Variants in RTTN observed in about 807,000 individuals in gnomAD.
RTTN encodes the protein rotatin.
Under a neutral mutation model 269.2 loss-of-function variants are expected in RTTN, and 182 were observed. The ratio of observed to expected loss-of-function variants is 0.68; its 90% CI spans 0.60 to 0.76. The LOEUF (loss-of-function observed/expected upper bound fraction) is 0.76. RTTN is among the 30% of genes least tolerant of loss of function. The pLI, the probability that RTTN is intolerant of heterozygous loss-of-function variation, is 0.00. For missense variants in RTTN, 2,545 were observed against 2,608.6 expected (o/e 0.98, Z 0.53); for synonymous variants, 1,006 against 963.5 (o/e 1.04, Z -0.82).
At chr18:70,086,498 C>T in intron 32 of RTTN, 115 bp downstream of exon 32, 4 of 852,452 alleles carry the variant, frequency 4.7e-6, no homozygotes, top group South Asian at 1.6e-5. Context: ...TTTAAGAGGC[C>T]CTTGCTGTCT....
intron 14 of RTTN, among the ~76,000 whole-genome samples, chr18:70,165,646 TAAG>T (rs965142895): frequency 6.6e-6 from 1 of 151,852 alleles, no homozygotes; most frequent in Non-Finnish European, 1.5e-5. Context: ...TTTTATCATT[TAAG>T]AAGACAGAAA....
At position 70,075,519 on chromosome 18, in the gene RTTN, T is replaced by C. The variant is rs921661138; in HGVS notation, c.4397A>G (p.Asp1466Gly). 1.9e-6 allele frequency: 3 copies of C among 1,584,746 alleles called. No homozygotes were observed. Among genetic ancestry groups the C allele is most frequent in the South Asian group, 2.4e-5 (2 of 84,554 alleles). The change falls in exon 33 of 49, where the codon GAC (aspartate) becomes GGC (glycine). Residue 1466 changes from aspartate (D) to glycine (G), a missense_variant. Transcript: ENST00000640769. ...TWQGPCVHDEDSGLSLIGKPA... is the reference protein window; with the variant it reads ...TWQGPCVHDEGSGLSLIGKPA... Reference sequence around the variant, plus strand: ...TTTTCCAATGAGCGATAGGCCAGAGTCCTCATCATGAACACAGGGACCCTG... The same window carrying C: ...TTTTCCAATGAGCGATAGGCCAGAGCCCTCATCATGAACACAGGGACCCTG...
chr18:70,145,330 A>G (rs577047425), intron 18 of RTTN, among the ~76,000 whole-genome samples: 3 of 152,338 alleles, frequency 2.0e-5, no homozygotes, highest in East Asian at 3.9e-4. Context: ...TATACAATAA[A>G]TATAATGCAC....
At chr18:70,053,514 C>T (rs1262064939) in intron 38 of RTTN, 1 of 152,140 alleles carries the variant, frequency 6.6e-6, no homozygotes, top group East Asian at 1.9e-4. Context: ...ATTTTCCAGA[C>T]CTAAAACCAA....
chr18:70,088,096 C>G lies in RTTN; in HGVS notation c.4195G>C (p.Gly1399Arg), dbSNP rs1352753974. 2 of 1,613,896 alleles carry G rather than the reference C, an allele frequency of 1.2e-6. No individual in the cohort carries two copies. The highest frequency in any genetic ancestry group is 1.7e-6 in the Non-Finnish European group (2 of 1,179,900). The part of the protein sequence containing the change: ...LGSALTTLET[G>R]CVALANSCQN... ...CAACTGTTTGCTAAGGCCACACAGCCCGTTTCAAGGGTGGTCAGTGCTGAT... is the reference window on the plus strand; with the variant it reads ...CAACTGTTTGCTAAGGCCACACAGCGCGTTTCAAGGGTGGTCAGTGCTGAT... Residue 1399 changes from glycine (G) to arginine (R), a missense_variant, in exon 31 of 49, where the codon GGC becomes CGC. Gly to Arg is a moderately radical substitution (Grantham distance 125). Transcript: ENST00000640769.
chr18:70,024,531 T>C (rs1258658998), intron 44 of RTTN, among the ~76,000 whole-genome samples, 191 bp downstream of exon 44: 1 of 152,210 alleles, frequency 6.6e-6, no homozygotes, highest in African/African-American at 2.4e-5. Flanking sequence ...GACTCTCTCA[T>C]GTCAACAAAC....
intron 40 of RTTN, among the ~76,000 whole-genome samples, chr18:70,041,683 T>C (rs1185434140): frequency 6.6e-6 from 1 of 152,174 alleles, no homozygotes; most frequent in African/African-American, 2.4e-5. Flanking sequence ...CCCGGATGCT[T>C]AGTCTCTGGA....
In RTTN at chr18:70,145,743, T is replaced by C. The variant is rs1193813938; in HGVS notation, c.2350A>G (p.Thr784Ala). 6.2e-7 allele frequency: 1 copy of C among 1,613,130 alleles called. No individual in the cohort carries two copies. The highest frequency in any genetic ancestry group is 1.1e-5 in the South Asian group (1 of 90,882). ...LALKLLAFHL[T>A]SEEGADTKRP... ...TTTGTATCAGCCCCTTCTTCACTGG[T>C]AAGATGGAATGCTAAAAGCTTTAAT... is the stretch of plus-strand genomic sequence containing the variant. Residue 784 changes from threonine to alanine, a missense_variant, in exon 18 of 49, where the codon ACC becomes GCC. Coordinates refer to ENST00000640769, the MANE Select transcript of RTTN (RefSeq NM_173630.4).
chr18:70,065,985 C>G (rs1170578134), intron 34 of RTTN, 63 bp from the exon 35 acceptor site: 5 of 1,140,454 alleles, frequency 4.4e-6, no homozygotes, highest in Non-Finnish European at 6.2e-6. Flanking sequence ...ACACAGGCAA[C>G]ATACACACAA....
intron 10 of RTTN, 57 bp downstream of exon 10, chr18:70,188,051 A>T (rs2061586501): frequency 9.5e-7 from 1 of 1,056,508 alleles, no homozygotes; most frequent in Admixed American, 2.0e-5. Flanking sequence ...GGCTTAAAAG[A>T]ACCAAAATCT....
At chr18:70,019,150 A>G (rs1158831712) in intron 45 of RTTN, 1 of 152,200 alleles carries the variant, frequency 6.6e-6, no homozygotes, top group Non-Finnish European at 1.5e-5. Flanking sequence ...ACTTCATCAA[A>G]ATATTCTTAA....
At chr18:70,043,682 A>G (rs1568287792) in intron 40 of RTTN, among the ~76,000 whole-genome samples, 1 of 152,248 alleles carries the variant, frequency 6.6e-6, no homozygotes, top group Non-Finnish European at 1.5e-5. Context: ...TAAAATGTGT[A>G]CATGGTAAAA....
intron 5 of RTTN, 44 bp downstream of exon 5, chr18:70,199,370 C>T: frequency 1.5e-6 from 2 of 1,337,480 alleles, no homozygotes; most frequent in Non-Finnish European, 2.1e-6. Context: ...AACTTAATGA[C>T]TATAAGTGAA....
At chr18:70,087,081 A>T (rs1293893177) in intron 31 of RTTN, among the ~76,000 whole-genome samples, 1 of 151,600 alleles carries the variant, frequency 6.6e-6, no homozygotes, top group African/African-American at 2.4e-5. Context: ...AAACACACGC[A>T]CCCCTCTGCC....
At chr18:70,061,464 G>T in intron 35 of RTTN, 1 of 455,682 alleles carries the variant, frequency 2.2e-6, no homozygotes, top group Non-Finnish European at 4.4e-6. Context: ...TTGCTATTTA[G>T]AGTGTCATTG....
At chr18:70,048,286 T>C (rs1292794353) in intron 39 of RTTN, 98 bp from the exon 40 acceptor site, 1 of 1,112,824 alleles carries the variant, frequency 9.0e-7, no homozygotes, top group Non-Finnish European at 1.3e-6. Flanking sequence ...CTCTGGATCA[T>C]CTAGATTACC....
intron 45 of RTTN, among the ~76,000 whole-genome samples, chr18:70,018,924 A>G (rs1024857126): frequency 1.4e-5 from 2 of 143,542 alleles, no homozygotes; most frequent in African/African-American, 5.7e-5. Context: ...ACCATGGTAG[A>G]AAAAAAAACA....
At chr18:70,121,193 C>G (rs1313726915) in intron 26 of RTTN, among the ~76,000 whole-genome samples, 1 of 151,994 alleles carries the variant, frequency 6.6e-6, no homozygotes, top group Non-Finnish European at 1.5e-5. Flanking sequence ...ATCACTATAC[C>G]CCCTCCTGCC....
intron 26 of RTTN, among the ~76,000 whole-genome samples, chr18:70,119,789 T>C (rs544566155): frequency 6.0e-4 from 92 of 152,300 alleles, no homozygotes; most frequent in Middle Eastern, 3.4e-3. Context: ...TCTTAACTAG[T>C]GATAAAATTA....
Sources: allele counts gnomAD v4.1 joint callset (sites outside exome capture counted in the v4.1 genomes callset), GRCh38; gene constraint gnomAD v4.1.1; transcripts MANE v1.5; gene names NCBI Gene and HGNC (gene_info 2026-07-23, HGNC 2026-07-21).